Variants in PIK3R3 observed in about 807,000 individuals in gnomAD.
The protein encoded by PIK3R3 is phosphatidylinositol 3-kinase regulatory subunit gamma.
In PIK3R3, 64 loss-of-function variants were observed where a neutral mutation model predicts 62.9. The observed-to-expected ratio is 1.02, with a 90% CI of 0.83 to 1.25. PIK3R3 has a LOEUF of 1.25. Ranked by LOEUF, PIK3R3 falls within the 50% of genes most tolerant of loss-of-function variation. The pLI, the probability that PIK3R3 is intolerant of heterozygous loss-of-function variation, is 0.00. For missense variants in PIK3R3, 614 were observed against 561.6 expected, an observed-to-expected ratio of 1.09 and a Z score of -0.94; for synonymous variants, 165 against 189.0, an observed-to-expected ratio of 0.87 and a Z score of 1.04.
chr1:46,127,356 A>T (rs114634110), intron 1 of PIK3R3, among the ~76,000 whole-genome samples: 43,915 of 132,916 alleles, frequency 0.33, 7,705 homozygotes, highest in Middle Eastern at 0.42. Context: ...AAAAAAAAAA[A>T]ATATATATAT....
At chr1:46,126,082 C>T (rs1655070557) in intron 1 of PIK3R3, among the ~76,000 whole-genome samples, 1 of 152,078 alleles carries the variant, frequency 6.6e-6, no homozygotes. Context: ...TTCTAAGACC[C>T]TTCAGAGGGT....
Position 46,132,491 on chromosome 1 carries a change from G to T in PIK3R3, c.-539C>A, listed in dbSNP as rs541241654. The T allele has an allele frequency of 1.7e-6, 2 of 1,209,988 alleles. No individual in the cohort carries two copies. Among genetic ancestry groups the T allele is most frequent in the Non-Finnish European group, 2.1e-6 (2 of 950,348 alleles). 75.0% of individuals were successfully genotyped at this position (1,209,988 alleles called of 1,614,324 possible). On this transcript the variant is annotated 5_prime_UTR_variant, in exon 1 of 10. Coordinates refer to ENST00000262741, the MANE Select transcript of PIK3R3 (RefSeq NM_003629.4). The stretch of plus-strand genomic sequence containing the variant: ...GAGGCCGGGACTCGGGCTCCTCTCC[G>T]GTCGGTCTCGGAACCGAAGCTGCCG...
intron 1 of PIK3R3, among the ~76,000 whole-genome samples, chr1:46,094,088 A>T (rs1195623184): frequency 6.6e-6 from 1 of 151,970 alleles, no homozygotes; most frequent in African/African-American, 2.4e-5. Flanking sequence ...AAAAGTGTCG[A>T]AGATGAACGA....
intron 1 of PIK3R3, among the ~76,000 whole-genome samples, chr1:46,088,955 T>C (rs1651348058): frequency 6.6e-6 from 1 of 151,888 alleles, no homozygotes; most frequent in African/African-American, 2.4e-5. Context: ...CTAGCAACAC[T>C]GAAGATAAAC....
chr1:46,086,691 C>T (rs561157374), intron 1 of PIK3R3, among the ~76,000 whole-genome samples: 14 of 152,070 alleles, frequency 9.2e-5, no homozygotes, highest in Non-Finnish European at 2.1e-4. Flanking sequence ...CAAAGTGAGA[C>T]TGTCTAAGAA....
At chr1:46,166,036 A>C in the PIK3R3 span, among the ~76,000 whole-genome samples, 4 of 151,112 alleles carry the variant, frequency 2.6e-5, no homozygotes, top group Non-Finnish European at 2.9e-5. Flanking sequence ...GGCCTCCCAA[A>C]GTGCTGGGAT....
intron 1 of PIK3R3, among the ~76,000 whole-genome samples, chr1:46,119,727 G>T (rs1654492889): frequency 6.7e-6 from 1 of 150,080 alleles, no homozygotes; most frequent in Non-Finnish European, 1.5e-5. Context: ...CCTTGGCCTT[G>T]TAAGTAGCTG....
the PIK3R3 span, among the ~76,000 whole-genome samples, chr1:46,148,973 A>C: frequency 6.6e-6 from 1 of 152,128 alleles, no homozygotes; most frequent in Non-Finnish European, 1.5e-5. Context: ...ATGAGACAGG[A>C]GGGCAGCACA....
In PIK3R3 at chr1:46,131,746, T is replaced by C. The variant is rs576061636; in HGVS notation, c.106+101A>G. On this transcript the variant is annotated intron_variant, in intron 1 of 9. Transcript: ENST00000262741. Reference sequence around the variant, plus strand: ...ACTGCAAATCTCCTCATCCCGAACCTAGCGCACCCAGGAATACTTCTGCCC... The same window carrying C: ...ACTGCAAATCTCCTCATCCCGAACCCAGCGCACCCAGGAATACTTCTGCCC... 105 of 1,066,296 alleles carry C rather than the reference T, an allele frequency of 9.8e-5. No homozygotes were observed. In the Middle Eastern group the frequency reaches 3.0e-3, roughly 30 times the overall value. 66.1% of individuals were successfully genotyped at this position (1,066,296 alleles called of 1,614,324 possible). A position where few individuals can be genotyped will look rare whatever the true frequency, so the allele number is the denominator to read the frequency against.
At chr1:46,074,281 T>C (rs1571417699) in intron 3 of PIK3R3, among the ~76,000 whole-genome samples, 1 of 75,570 alleles carries the variant, frequency 1.3e-5, no homozygotes, top group Non-Finnish European at 2.2e-5. Context: ...AGAGCTAGAC[T>C]CCGTCAAAAA....
chr1:46,066,249 C>T (rs552101175), intron 4 of PIK3R3, 70 bp from the exon 5 acceptor site: 33 of 1,116,810 alleles, frequency 3.0e-5, no homozygotes, highest in Middle Eastern at 2.8e-4. Flanking sequence ...TTTTCCACAT[C>T]TATTTTTTAA....
At position 46,132,609 on chromosome 1, in the gene PIK3R3, A is replaced by G. The variant is rs908159387; in HGVS notation, c.-657T>C. ...GTGTAAGAACCAACCCGACCGCACC[A>G]ACTGCCCTCAAGCTCTGCCCGGACT... On this transcript the variant is annotated 5_prime_UTR_variant, in exon 1 of 10. Coordinates refer to ENST00000262741, the MANE Select transcript of PIK3R3 (RefSeq NM_003629.4). 5.4e-5 allele frequency: 70 copies of G among 1,289,340 alleles called. No homozygotes were observed. The highest frequency in any genetic ancestry group is 6.2e-5 in the South Asian group (5 of 81,014). 79.9% of individuals were successfully genotyped at this position (1,289,340 alleles called of 1,614,324 possible). A position where few individuals can be genotyped will look rare whatever the true frequency, so the allele number is the denominator to read the frequency against.
intron 3 of PIK3R3, among the ~76,000 whole-genome samples, chr1:46,077,200 C>A (rs1057335432): frequency 6.6e-6 from 1 of 152,164 alleles, no homozygotes; most frequent in African/African-American, 2.4e-5. Context: ...AGGATAGATT[C>A]ATTTTTACCC....
the PIK3R3 span, among the ~76,000 whole-genome samples, chr1:46,161,443 GTA>G: frequency 6.6e-6 from 1 of 152,056 alleles, no homozygotes; most frequent in Non-Finnish European, 1.5e-5. Context: ...CATAAAACAG[GTA>G]CATTAATATC....
the PIK3R3 span, among the ~76,000 whole-genome samples, chr1:46,159,072 G>A: frequency 1.4e-5 from 2 of 144,546 alleles, no homozygotes; most frequent in Non-Finnish European, 3.0e-5. Context: ...GGGCAGCAAA[G>A]TGAGACTCCA....
chr1:46,071,696 C>CAAAAAAAAAAAAAAAAAAAAAAA, intron 3 of PIK3R3, among the ~76,000 whole-genome samples: 1 of 17,252 alleles, frequency 5.8e-5, no homozygotes, highest in East Asian at 1.4e-3. Context: ...ACTCTGTCTC[C>CAAAAAAAAAAAAAAAAAAAAAAA]AAAAAAAAAA....
intron 1 of PIK3R3, among the ~76,000 whole-genome samples, chr1:46,096,028 C>T (rs1181452733): frequency 3.3e-5 from 5 of 152,226 alleles, no homozygotes; most frequent in Non-Finnish European, 5.9e-5. Context: ...AAATGATCCT[C>T]CTGCCTTGGC....
intron 6 of PIK3R3, chr1:46,057,278 G>A (rs1206854883): frequency 6.6e-6 from 1 of 152,392 alleles, no homozygotes; most frequent in Admixed American, 6.5e-5. Flanking sequence ...CAAGCCACGT[G>A]GAACTGTAAG....
Position 46,094,711 on chromosome 1 carries a change from G to A in PIK3R3, c.107-13961C>T, listed in dbSNP as rs185862467. ...CCCAGTGGAATGATTTCTCTGTAGT[G>A]TGCTCATTAGTAACACTAACCCCTT... On this transcript the variant is annotated intron_variant, in intron 1 of 9. Coordinates refer to ENST00000262741, the MANE Select transcript of PIK3R3 (RefSeq NM_003629.4). 2.2e-3 allele frequency among the ~76,000 whole-genome samples: 332 copies of A among 152,290 alleles called. 2 individuals are homozygous for A. Among genetic ancestry groups the A allele is most frequent in the Non-Finnish European group, 2.0e-3 (138 of 68,024 alleles).
Sources: gnomAD v4.1 joint callset for allele counts (sites outside exome capture counted in the v4.1 genomes callset) on GRCh38, gnomAD v4.1.1 for gene constraint, MANE v1.5 for transcripts, NCBI Gene and HGNC (gene_info 2026-07-23, HGNC 2026-07-21) for gene names.